SEC14L3: variants seen among roughly 807,000 people sequenced by gnomAD.
SEC14L3 encodes SEC14 like lipid binding 3, also known as SEC14-like protein 3.
SEC14L3 carries 56 observed loss-of-function variants against 57.4 expected under a neutral mutation model. The ratio of observed to expected loss-of-function variants is 0.97; its 90% CI spans 0.79 to 1.22. SEC14L3 has a LOEUF of 1.22. Ranked by LOEUF, SEC14L3 falls within the 50% of genes most tolerant of loss-of-function variation. The probability of loss-of-function intolerance (pLI) is 0.00; values close to 1 mark genes in which losing one functional copy is unlikely to be tolerated. For synonymous variants in SEC14L3, 173 were observed against 194.4 expected (o/e 0.89, Z 0.92); for missense variants, 485 against 511.7 (o/e 0.95, Z 0.50).
chr22:30,448,230 C>T (rs997159433), exon 13 of SEC14L3: 1 of 152,292 alleles, frequency 6.6e-6, no homozygotes, highest in African/African-American at 2.4e-5. Context: ...AGTCACTCTG[C>T]TGGGTGCCCT....
At chr22:30,471,289 G>T (rs1419058077) in intron 1 of SEC14L3, 1 of 455,374 alleles carries the variant, frequency 2.2e-6, no homozygotes, top group Non-Finnish European at 4.4e-6. Flanking sequence ...TCAAAAAAAA[G>T]AAGAAAAAGA....
At chr22:30,459,160 G>T, downstream of SEC14L3, 1 of 624,360 alleles carries the variant, frequency 1.6e-6, no homozygotes, top group Non-Finnish European at 2.0e-6. Flanking sequence ...GGGATGGCAT[G>T]AGAATAAAAC....
At chr22:30,462,935 C>T (rs960560540) in intron 8 of SEC14L3, among the ~76,000 whole-genome samples, 2 of 152,052 alleles carry the variant, frequency 1.3e-5, no homozygotes, top group African/African-American at 2.4e-5. Context: ...CGGGGTTTCA[C>T]CACCTTGGCC....
Position 30,468,581 on chromosome 22 carries a change from T to G in SEC14L3, c.350A>C (p.Lys117Thr). 6.2e-7 allele frequency: 1 copy of G among 1,613,940 alleles called. No individual in the cohort carries two copies. Residue 117 changes from lysine (K) to threonine (T), a missense_variant, in exon 5 of 12, where the codon AAG becomes ACG. By Grantham distance (78) the Lys-to-Thr change is moderately conservative. Coordinates refer to ENST00000215812, the MANE Select transcript of SEC14L3 (RefSeq NM_174975.5). ...DPKGLLFSVT[K>T]QDLLKTKMRD... ...CATCTTGGTCTTGAGCAGGTCCTGC[T>G]TGGTGACTGAGAAGAGCAACCCCTT...
intron 4 of SEC14L3, chr22:30,468,929 G>A: frequency 6.8e-7 from 1 of 1,477,848 alleles, no homozygotes; most frequent in South Asian, 1.4e-5. Context: ...GACTTCTTAG[G>A]TCTGCCCCTG....
chr22:30,450,284 T>C (rs1246367512), intron 12 of SEC14L3, among the ~76,000 whole-genome samples: 1 of 152,100 alleles, frequency 6.6e-6, no homozygotes, highest in Non-Finnish European at 1.5e-5. Context: ...CTGGACGCGA[T>C]CCTTTGAGCC....
In SEC14L3 at chr22:30,459,498, C is replaced by T; in HGVS notation, c.*523G>A. On this transcript the variant is annotated 3_prime_UTR_variant, in exon 12 of 12. Transcript: ENST00000215812. Reference sequence around the variant, plus strand: ...AGTCCAACCCCACCACACATCTGCTCCTGTCCAAGGTGCTGAAATCCACCC... The same window carrying T: ...AGTCCAACCCCACCACACATCTGCTTCTGTCCAAGGTGCTGAAATCCACCC... The T allele has an allele frequency of 1.0e-6, 1 of 985,850 alleles. No homozygotes were observed. The highest frequency in any genetic ancestry group is 1.2e-6 in the Non-Finnish European group (1 of 830,154). 61.1% of individuals were successfully genotyped at this position (985,850 alleles called of 1,614,324 possible). A position where few individuals can be genotyped will look rare whatever the true frequency, so the allele number is the denominator to read the frequency against.
chr22:30,455,186 T>A (rs569014884), downstream of SEC14L3, among the ~76,000 whole-genome samples: 884 of 114,328 alleles, frequency 7.7e-3, 17 homozygotes, highest in African/African-American at 0.033. Context: ...ATTTAATATT[T>A]AATATATAAT....
chr22:30,448,737 G>GA (rs1218667768), exon 13 of SEC14L3: 9 of 184,416 alleles, frequency 4.9e-5, no homozygotes, highest in South Asian at 1.6e-4. Flanking sequence ...AAGAAAGAAA[G>GA]AAAAAAAACC....
At chr22:30,469,362 G>T (rs931674193) in intron 4 of SEC14L3, among the ~76,000 whole-genome samples, 1 of 151,892 alleles carries the variant, frequency 6.6e-6, no homozygotes. Flanking sequence ...GTGTCCTTGA[G>T]CAAGTGACAC....
downstream of SEC14L3, chr22:30,447,853 T>G (rs1934907702): frequency 6.6e-6 from 1 of 151,976 alleles, no homozygotes; most frequent in Non-Finnish European, 1.5e-5. Flanking sequence ...TGGGCCCAGC[T>G]CAGCCATGCC....
chr22:30,458,047 G>T (rs572583849), downstream of SEC14L3, among the ~76,000 whole-genome samples: 1 of 152,320 alleles, frequency 6.6e-6, no homozygotes, highest in Non-Finnish European at 1.5e-5. Context: ...AGACCTCATA[G>T]CCTGCCCACG....
intron 12 of SEC14L3, among the ~76,000 whole-genome samples, chr22:30,451,717 C>T (rs1456145773): frequency 1.3e-5 from 2 of 151,966 alleles, no homozygotes; most frequent in Admixed American, 6.6e-5. Flanking sequence ...TGGCCGGGCC[C>T]GGTGCCTCAA....
intron 9 of SEC14L3, 170 bp downstream of exon 9, chr22:30,461,916 G>T (rs940293578): frequency 9.9e-6 from 5 of 503,352 alleles, no homozygotes; most frequent in African/African-American, 6.3e-5. Context: ...CCTATTTCTT[G>T]TTTGCCTTTA....
intron 8 of SEC14L3, among the ~76,000 whole-genome samples, chr22:30,462,976 C>G (rs1252552394): frequency 6.6e-6 from 1 of 151,772 alleles, no homozygotes; most frequent in African/African-American, 2.4e-5. Context: ...ACCTTGTGAT[C>G]CACCCGCCTC....
downstream of SEC14L3, among the ~76,000 whole-genome samples, chr22:30,454,538 TA>T (rs1935047366): frequency 8.2e-6 from 1 of 121,388 alleles, no homozygotes; most frequent in Non-Finnish European, 1.7e-5. Context: ...TAATCTATAA[TA>T]ATATTATATA....
chr22:30,470,634 T>G (rs1342067124), intron 1 of SEC14L3, 52 bp from the exon 2 acceptor site: 1 of 1,612,450 alleles, frequency 6.2e-7, no homozygotes, highest in Non-Finnish European at 8.5e-7. Flanking sequence ...AGCCTTGGCC[T>G]CCAGACTCAA....
chr22:30,460,770 G>T (rs975374131), intron 11 of SEC14L3, among the ~76,000 whole-genome samples: 2 of 150,306 alleles, frequency 1.3e-5, no homozygotes, highest in Non-Finnish European at 2.9e-5. Context: ...GGAGGTTGCG[G>T]TGAGCAGAGA....
Position 30,459,428 on chromosome 22 carries a change from A to T in SEC14L3, c.*593T>A. ...TGGCTGGGGCCCTCAAAAGACAGCC[A>T]CTGCCAGAAATCTGGAGACTGAATT... is the stretch of plus-strand genomic sequence containing the variant. On this transcript the variant is annotated 3_prime_UTR_variant, in exon 12 of 12. Transcript: ENST00000215812. The T allele has an allele frequency of 1.0e-6, 1 of 985,440 alleles. No homozygotes were observed. Among genetic ancestry groups the T allele is most frequent in the Non-Finnish European group, 1.2e-6 (1 of 829,980 alleles). 61.0% of individuals were successfully genotyped at this position (985,440 alleles called of 1,614,324 possible). A position where few individuals can be genotyped will look rare whatever the true frequency, so the allele number is the denominator to read the frequency against.
Sources: allele counts gnomAD v4.1 joint callset (sites outside exome capture counted in the v4.1 genomes callset), GRCh38; gene constraint gnomAD v4.1.1; transcripts MANE v1.5; gene names NCBI Gene and HGNC (gene_info 2026-07-23, HGNC 2026-07-21).